Variants in ATP8A1 observed in about 807,000 individuals in gnomAD.
The protein encoded by ATP8A1 is ATPase phospholipid transporting 8A1, also known as phospholipid-transporting ATPase IA.
In ATP8A1, 90 loss-of-function variants were observed where a neutral mutation model predicts 177.7. The observed-to-expected ratio is 0.51, with a 90% CI of 0.43 to 0.60. The LOEUF (loss-of-function observed/expected upper bound fraction) is 0.60, where lower values mean the gene tolerates loss of function less well. Among genes scored for constraint, ATP8A1 ranks in the 20% least tolerant of loss-of-function variants. The pLI is 0.00. For synonymous variants in ATP8A1, 493 were observed against 485.9 expected, an observed-to-expected ratio of 1.01 and a Z score of -0.19; for missense variants, 1,072 against 1,392.8, an observed-to-expected ratio of 0.77 and a Z score of 3.67.
At chr4:42,546,735 T>C (rs1241429702) in intron 19 of ATP8A1, among the ~76,000 whole-genome samples, 2 of 152,134 alleles carry the variant, frequency 1.3e-5, no homozygotes, top group African/African-American at 4.8e-5. Context: ...TCCTCACCAT[T>C]ACAATGAATA....
chr4:42,633,556 AT>A, intron 1 of ATP8A1, among the ~76,000 whole-genome samples: 1 of 152,330 alleles, frequency 6.6e-6, no homozygotes. Context: ...GAAAAAGATA[AT>A]TACAGAACAT....
intron 1 of ATP8A1, among the ~76,000 whole-genome samples, chr4:42,635,808 T>TATATATATAC (rs1553920622): frequency 2.6e-5 from 3 of 113,976 alleles, no homozygotes; most frequent in South Asian, 2.7e-4. Context: ...TATATATATA[T>TATATATATAC]ATACACATGT....
chr4:42,503,468 T>C lies in ATP8A1; in HGVS notation c.2133A>G (p.Ile711Met). 6.2e-7 allele frequency: 1 copy of C among 1,606,712 alleles called. No individual in the cohort carries two copies. The highest frequency in any genetic ancestry group is 1.1e-5 in the South Asian group (1 of 90,284). ...TACTTACATCAAGAGAGCCTTCATT[T>C]ATAACAATCATTCCCATGTTCTTCT... ...LLKKNMGMIV[I>M]NEGSLDGTRE... The change falls in exon 24 of 37, where the codon ATA becomes ATG. Residue 711 changes from isoleucine to methionine, a missense_variant. Coordinates refer to ENST00000381668, the MANE Select transcript of ATP8A1 (RefSeq NM_006095.2).
intron 33 of ATP8A1, among the ~76,000 whole-genome samples, chr4:42,437,429 AG>A (rs2153172771): frequency 6.6e-6 from 1 of 152,268 alleles, no homozygotes; most frequent in South Asian, 2.1e-4. Flanking sequence ...AATACAAGTC[AG>A]GTCTGAAAAA....
At chr4:42,516,097 C>T (rs991230662) in intron 22 of ATP8A1, among the ~76,000 whole-genome samples, 1 of 152,148 alleles carries the variant, frequency 6.6e-6, no homozygotes, top group Admixed American at 6.5e-5. Flanking sequence ...ATGAATAATT[C>T]ATTTATTCAT....
At chr4:42,424,095 A>G (rs1714307431) in intron 33 of ATP8A1, among the ~76,000 whole-genome samples, 1 of 152,164 alleles carries the variant, frequency 6.6e-6, no homozygotes, top group East Asian at 1.9e-4. Flanking sequence ...AACATTAGGT[A>G]GTAATAATCT....
At chr4:42,493,411 T>C (rs918965068) in intron 24 of ATP8A1, among the ~76,000 whole-genome samples, 1 of 152,162 alleles carries the variant, frequency 6.6e-6, no homozygotes, top group African/African-American at 2.4e-5. Context: ...TAATAAATAG[T>C]TTCAACCACT....
intron 15 of ATP8A1, among the ~76,000 whole-genome samples, chr4:42,564,520 C>A (rs774803908): frequency 3.0e-4 from 45 of 152,328 alleles, no homozygotes; most frequent in Admixed American, 3.9e-4. Context: ...TCATTTTGGA[C>A]CTTTAAGATT....
intron 1 of ATP8A1, among the ~76,000 whole-genome samples, chr4:42,645,616 G>A (rs560794958): frequency 6.6e-6 from 1 of 152,274 alleles, no homozygotes; most frequent in East Asian, 1.9e-4. Flanking sequence ...TGAAGCCAGG[G>A]TTGAGCATCA....
At chr4:42,641,365 G>A (rs1435829339) in intron 1 of ATP8A1, among the ~76,000 whole-genome samples, 4 of 152,156 alleles carry the variant, frequency 2.6e-5, no homozygotes, top group African/African-American at 9.7e-5. Context: ...AATGGAATGG[G>A]CTGTCTTAAA....
chr4:42,537,154 A>AC (rs1213421654), intron 20 of ATP8A1, among the ~76,000 whole-genome samples: 17 of 151,462 alleles, frequency 1.1e-4, no homozygotes, highest in African/African-American at 4.1e-4. Context: ...AAACAAAAAA[A>AC]CCAAAAAAAC....
rs111789667 is a variant in ATP8A1, at chr4:42,552,744, T to G, written c.1414-134A>C. 579 of 582,270 alleles carry G rather than the reference T, an allele frequency of 9.9e-4. 4 individuals are homozygous for G. In the African/African-American group the frequency reaches 0.01, roughly 10 times the overall value. The allele number at this position is 582,270 out of a possible 1,614,324, so 36.1% of individuals were successfully genotyped here. A position where few individuals can be genotyped will look rare whatever the true frequency, so the allele number is the denominator to read the frequency against. ...AGCTCACACCTGTAATCCCAGCACT[T>G]TGGGAGGCCGAGGCGGGTGGATCGC... On this transcript the variant is annotated intron_variant, in intron 16 of 36. Transcript: ENST00000381668.
Position 42,657,027 on chromosome 4 carries a change from C to A in ATP8A1, c.-154G>T. 5 of 713,888 alleles carry A rather than the reference C, an allele frequency of 7.0e-6. No individual in the cohort carries two copies. The highest frequency in any genetic ancestry group is 7.8e-6 in the Non-Finnish European group (4 of 514,318). The allele number at this position is 713,888 out of a possible 1,614,324, so 44.2% of individuals were successfully genotyped here. Reference sequence around the variant, plus strand: ...GGGCAGAGCTGCCGCCGGGCGCGGCCCCCGCACGCCGACAGGAGGAGGAGA... The same window carrying A: ...GGGCAGAGCTGCCGCCGGGCGCGGCACCCGCACGCCGACAGGAGGAGGAGA... On this transcript the variant is annotated 5_prime_UTR_variant, in exon 1 of 37. Transcript: ENST00000381668.
chr4:42,592,869 C>T (rs1734329217), intron 6 of ATP8A1, among the ~76,000 whole-genome samples: 1 of 152,030 alleles, frequency 6.6e-6, no homozygotes, highest in East Asian at 1.9e-4. Flanking sequence ...ATGGGACCAC[C>T]GTTGTATATG....
chr4:42,436,069 T>C (rs1251885327), intron 33 of ATP8A1, among the ~76,000 whole-genome samples: 1 of 152,132 alleles, frequency 6.6e-6, no homozygotes, highest in African/African-American at 2.4e-5. Context: ...CACATATTTA[T>C]GGAATGAATG....
chr4:42,466,756 G>A (rs902387218), intron 25 of ATP8A1, among the ~76,000 whole-genome samples: 1 of 152,176 alleles, frequency 6.6e-6, no homozygotes, highest in African/African-American at 2.4e-5. Flanking sequence ...CTGTTAGCTT[G>A]ATTTTTCTTC....
intron 5 of ATP8A1, among the ~76,000 whole-genome samples, chr4:42,602,983 T>C (rs1042206388): frequency 2.6e-5 from 4 of 152,092 alleles, no homozygotes; most frequent in African/African-American, 9.7e-5. Context: ...CAATAGTGTC[T>C]AGAGCTCTGT....
At position 42,656,860 on chromosome 4, in the gene ATP8A1, C is replaced by A; in HGVS notation, c.14G>T (p.Arg5Leu). ...CGAGCGGATCTCCGACACGGTCCTC[C>A]GCATGGTGGGCATCGCGGCGGCGGC... MPTM[R>L]RTVSEIRSRA... Residue 5 changes from arginine (R) to leucine (L), a missense_variant, in exon 1 of 37, where the codon CGG (arginine) becomes CTG (leucine). By Grantham distance (102) the Arg-to-Leu change is moderately radical. This residue lies in a region of ATP8A1 where 344 missense variants were observed against 393.5 expected (regional missense o/e 0.87). Coordinates refer to ENST00000381668, the MANE Select transcript of ATP8A1 (RefSeq NM_006095.2). 1.3e-6 allele frequency: 2 copies of A among 1,587,744 alleles called. No individual in the cohort carries two copies. The highest frequency in any genetic ancestry group is 2.3e-5 in the East Asian group (1 of 43,028).
chr4:42,477,298 C>G (rs1721173195), intron 25 of ATP8A1, among the ~76,000 whole-genome samples: 1 of 152,196 alleles, frequency 6.6e-6, no homozygotes, highest in African/African-American at 2.4e-5. Flanking sequence ...GGCGTCATTT[C>G]ACAACCATCA....
Sources: allele counts gnomAD v4.1 joint callset (sites outside exome capture counted in the v4.1 genomes callset), GRCh38; gene constraint gnomAD v4.1.1; regional missense constraint gnomAD v4.1.1; transcripts MANE v1.5; gene names NCBI Gene and HGNC (gene_info 2026-07-23, HGNC 2026-07-21).